The following AHCYL1 variants were observed in gnomAD, a reference collection of about 807,000 sequenced individuals.
AHCYL1 encodes adenosylhomocysteinase like 1.
In AHCYL1, 20 loss-of-function variants were observed where a neutral mutation model predicts 79.3. That is an observed-to-expected ratio of 0.25 (90% CI 0.18 to 0.37). The LOEUF is 0.37. Ranked by LOEUF, AHCYL1 falls within the 10% of genes least tolerant of loss-of-function variation. The pLI is 1.00. For synonymous variants in AHCYL1, 223 were observed against 242.2 expected, an observed-to-expected ratio of 0.92 and a Z score of 0.74; for missense variants, 330 against 673.6, an observed-to-expected ratio of 0.49 and a Z score of 5.65.
At chr1:110,003,046 A>G (rs1243316215) in intron 1 of AHCYL1, among the ~76,000 whole-genome samples, 1 of 152,208 alleles carries the variant, frequency 6.6e-6, no homozygotes, top group Admixed American at 6.5e-5. Context: ...AAGGAACCTA[A>G]CAACCAACTG....
In AHCYL1 at chr1:110,018,635, T is replaced by C; in HGVS notation, c.1302T>C (p.Val434=). 6.2e-7 allele frequency: 1 copy of C among 1,613,310 alleles called. No homozygotes were observed. The highest frequency in any genetic ancestry group is 8.5e-7 in the Non-Finnish European group (1 of 1,179,752). Residue 434 remains valine, a synonymous_variant, in exon 13 of 17, where the codon GTT becomes GTC. Transcript: ENST00000369799. ...TCATCTGGCCAGATGGCAAACGAGT[T>C]GTCCTCCTGGCAGAGGTACACACAG... is the stretch of plus-strand genomic sequence containing the variant. ...DHVIWPDGKR[V]VLLAEGRLLN...
intron 1 of AHCYL1, among the ~76,000 whole-genome samples, chr1:110,005,759 T>TAAAAAA (rs11349395): frequency 7.0e-6 from 1 of 142,588 alleles, no homozygotes. Context: ...CTTCTAATGG[T>TAAAAAA]AAAAAAAAAA....
intron 1 of AHCYL1, among the ~76,000 whole-genome samples, chr1:109,987,454 T>C (rs1649529438): frequency 6.6e-6 from 1 of 152,208 alleles, no homozygotes; most frequent in African/African-American, 2.4e-5. Flanking sequence ...CAGTAATCCT[T>C]GGATTATTCT....
At chr1:110,003,331 G>A (rs1281102541) in intron 1 of AHCYL1, among the ~76,000 whole-genome samples, 2 of 152,080 alleles carry the variant, frequency 1.3e-5, no homozygotes, top group Admixed American at 1.3e-4. Context: ...AAGTATGCAT[G>A]TGTATGTGTA....
chr1:110,011,174 G>C (rs375788527), intron 2 of AHCYL1, 40 bp from the exon 3 acceptor site: 3 of 1,610,184 alleles, frequency 1.9e-6, no homozygotes, highest in Non-Finnish European at 2.5e-6. Context: ...GGGGACCACT[G>C]AGGTTTTTCT....
Position 109,984,830 on chromosome 1 carries a change from G to GC in AHCYL1, c.-223_-222insC, listed in dbSNP as rs11424431. 1 allele frequency: 541,308 copies of GC among 541,316 alleles called. 270,650 individuals carry two copies. The highest frequency in any genetic ancestry group is 1 in the Middle Eastern group (1,752 of 1,752). 33.5% of individuals were successfully genotyped at this position (541,316 alleles called of 1,614,324 possible). A position where few individuals can be genotyped will look rare whatever the true frequency, so the allele number is the denominator to read the frequency against. ...GGGCAGGTCGGAGCTCGGAGCTGCT[G>GC]TTCTGGTTCTCTTGTGGCCGCCGTC... On this transcript the variant is annotated 5_prime_UTR_variant, in exon 1 of 17. Transcript: ENST00000369799.
chr1:110,003,616 C>G (rs1340919806), intron 1 of AHCYL1, among the ~76,000 whole-genome samples: 2 of 151,098 alleles, frequency 1.3e-5, no homozygotes, highest in African/African-American at 2.4e-5. Context: ...TTTTTTAAAC[C>G]TAGAATTGAT....
Position 110,018,554 on chromosome 1 carries a change from C to T in AHCYL1, c.1221C>T (p.Thr407=), listed in dbSNP as rs1005329990. 4.3e-6 allele frequency: 7 copies of T among 1,613,902 alleles called. No individual in the cohort carries two copies. The highest frequency in any genetic ancestry group is 5.9e-6 in the Non-Finnish European group (7 of 1,180,008). ...MGHSNTEIDV[T]SLRTPELTWE... The stretch of plus-strand genomic sequence containing the variant: ...CAACTGTGCTTTCTTCCTTTCAGAC[C>T]AGCCTCCGCACTCCGGAGCTGACGT... Residue 407 remains threonine (T), a splice_region_variant and synonymous_variant, in exon 13 of 17, where the codon ACC becomes ACT. Transcript: ENST00000369799.
At chr1:110,016,796 G>T (rs1237259157) in intron 9 of AHCYL1, 66 bp downstream of exon 9, 2 of 1,590,568 alleles carry the variant, frequency 1.3e-6, no homozygotes, top group Non-Finnish European at 1.7e-6. Flanking sequence ...GGTAAAGGAG[G>T]CTTGTGCTGT....
intron 1 of AHCYL1, among the ~76,000 whole-genome samples, chr1:109,992,408 CAAAAAAA>C (rs57891226): frequency 6.9e-5 from 5 of 72,772 alleles, no homozygotes; most frequent in South Asian, 4.2e-4. Flanking sequence ...GACTCCGTCT[CAAAAAAA>C]AAAAAAAAAA....
chr1:110,016,220 G>A, intron 7 of AHCYL1, 124 bp from the exon 8 acceptor site: 1 of 641,920 alleles, frequency 1.6e-6, no homozygotes, highest in Non-Finnish European at 2.7e-6. Context: ...AATATCCTTG[G>A]GCAATAAATG....
At chr1:109,990,164 A>G (rs1464489303) in intron 1 of AHCYL1, among the ~76,000 whole-genome samples, 1 of 152,232 alleles carries the variant, frequency 6.6e-6, no homozygotes, top group South Asian at 2.1e-4. Context: ...GTAGTACAAC[A>G]TAAGGTAAGC....
At position 110,017,932 on chromosome 1, in the gene AHCYL1, T is replaced by G; in HGVS notation, c.1053-14T>G. The stretch of plus-strand genomic sequence containing the variant: ...TTCTTGCTTTACTCATAGTGTTCCT[T>G]TCTTTTCTTCCAGCATGGATGGGTT... On this transcript the variant is annotated splice_polypyrimidine_tract_variant and intron_variant, in intron 10 of 16. Transcript: ENST00000369799. 6.2e-7 allele frequency: 1 copy of G among 1,613,988 alleles called. No homozygotes were observed. Among genetic ancestry groups the G allele is most frequent in the Non-Finnish European group, 8.5e-7 (1 of 1,179,852 alleles).
At chr1:110,015,620 T>C (rs1346817651) in intron 7 of AHCYL1, 89 bp downstream of exon 7, 1 of 1,040,492 alleles carries the variant, frequency 9.6e-7, no homozygotes, top group Non-Finnish European at 1.5e-6. Flanking sequence ...TGTTTCAGAC[T>C]TATAACTAAA....
chr1:109,985,405 A>G (rs1156551753), intron 1 of AHCYL1: 2 of 1,273,736 alleles, frequency 1.6e-6, no homozygotes, highest in African/African-American at 1.6e-5. Context: ...TTGAAACCCG[A>G]CAGGGCCAGG....
chr1:110,010,707 A>C (rs1311629841), intron 2 of AHCYL1, among the ~76,000 whole-genome samples: 1 of 152,204 alleles, frequency 6.6e-6, no homozygotes, highest in Non-Finnish European at 1.5e-5. Flanking sequence ...ACTTGTTGGA[A>C]CTACTAATGC....
Position 109,985,018 on chromosome 1 carries a change from G to A in AHCYL1, c.-35G>A, listed in dbSNP as rs1297335069. On this transcript the variant is annotated 5_prime_UTR_variant, in exon 1 of 17. Transcript: ENST00000369799. Reference sequence around the variant, plus strand: ...GCGCCAGAGGGGGAAAGAGGCGGGGGCGGCGGGTCAGCCGCTGGCCGGGCC... The same window carrying A: ...GCGCCAGAGGGGGAAAGAGGCGGGGACGGCGGGTCAGCCGCTGGCCGGGCC... The A allele has an allele frequency of 2.7e-6, 4 of 1,498,630 alleles. No homozygotes were observed. Among genetic ancestry groups the A allele is most frequent in the East Asian group, 2.8e-5 (1 of 36,296 alleles). The allele number at this position is 1,498,630 out of a possible 1,614,324, so 92.8% of individuals were successfully genotyped here.
At chr1:110,013,594 C>T (rs1431719942) in intron 5 of AHCYL1, among the ~76,000 whole-genome samples, 1 of 151,744 alleles carries the variant, frequency 6.6e-6, no homozygotes, top group Non-Finnish European at 1.5e-5. Context: ...CCTGTAATCT[C>T]AGCTACTCAG....
intron 1 of AHCYL1, among the ~76,000 whole-genome samples, chr1:109,996,731 C>A (rs909926680): frequency 6.6e-6 from 1 of 152,208 alleles, no homozygotes; most frequent in Non-Finnish European, 1.5e-5. Context: ...ATGCACTGCA[C>A]TACGATGTCA....
Sources: allele counts gnomAD v4.1 joint callset (sites outside exome capture counted in the v4.1 genomes callset), GRCh38; gene constraint gnomAD v4.1.1; transcripts MANE v1.5; gene names NCBI Gene and HGNC (gene_info 2026-07-23, HGNC 2026-07-21).